The following RAP1A variants were observed in gnomAD, a reference collection of about 807,000 sequenced individuals.
RAP1A encodes RAP1A, member of RAS oncogene family, also known as ras-related protein Rap-1A.
A neutral mutation model predicts 26.4 loss-of-function variants in RAP1A; 6 were observed. The ratio of observed to expected loss-of-function variants is 0.23; its 90% CI spans 0.12 to 0.45. RAP1A has a LOEUF of 0.45. Among genes scored for constraint, RAP1A ranks in the 20% least tolerant of loss-of-function variants. The pLI is 0.99. For missense variants in RAP1A, 121 were observed against 217.2 expected, an observed-to-expected ratio of 0.56 and a Z score of 2.78; for synonymous variants, 73 against 79.4, an observed-to-expected ratio of 0.92 and a Z score of 0.43.
At chr1:111,674,538 C>G (rs1661067835) in intron 1 of RAP1A, among the ~76,000 whole-genome samples, 1 of 152,220 alleles carries the variant, frequency 6.6e-6, no homozygotes, top group African/African-American at 2.4e-5. Context: ...TCTACAGAAC[C>G]TCCAGACTTG....
chr1:111,577,457 C>G (rs1156688998), intron 1 of RAP1A, among the ~76,000 whole-genome samples: 1 of 116,352 alleles, frequency 8.6e-6, no homozygotes, highest in Non-Finnish European at 1.8e-5. Context: ...ACCCTGAAAA[C>G]TTGGATTTAT....
At chr1:111,632,299 A>G (rs1659590974) in intron 1 of RAP1A, among the ~76,000 whole-genome samples, 1 of 152,042 alleles carries the variant, frequency 6.6e-6, no homozygotes, top group South Asian at 2.1e-4. Context: ...CTGTGTTTAT[A>G]AAGTTTCTAA....
chr1:111,655,266 CA>C (rs5777071), intron 1 of RAP1A, among the ~76,000 whole-genome samples: 81,337 of 142,092 alleles, frequency 0.57, 23,571 homozygotes, highest in East Asian at 0.76. Context: ...TGCAATAAAA[CA>C]AAAAAAAAAA....
At chr1:111,644,997 A>G (rs1660018475) in intron 1 of RAP1A, among the ~76,000 whole-genome samples, 2 of 152,210 alleles carry the variant, frequency 1.3e-5, no homozygotes, top group Admixed American at 6.5e-5. Context: ...CAATCAGAAT[A>G]TTATATCTCT....
At chr1:111,587,098 C>G (rs1658379846) in intron 1 of RAP1A, among the ~76,000 whole-genome samples, 1 of 152,058 alleles carries the variant, frequency 6.6e-6, no homozygotes, top group South Asian at 2.1e-4. Context: ...CCTCCTTGTC[C>G]TTGTTTTTCC....
At chr1:111,626,609 A>G (rs1302130162) in intron 1 of RAP1A, among the ~76,000 whole-genome samples, 1 of 152,176 alleles carries the variant, frequency 6.6e-6, no homozygotes, top group African/African-American at 2.4e-5. Context: ...ATTTTTAGTG[A>G]CTGTTGTTAG....
intron 1 of RAP1A, among the ~76,000 whole-genome samples, chr1:111,643,504 C>T (rs1659958101): frequency 1.3e-5 from 2 of 152,198 alleles, no homozygotes; most frequent in South Asian, 4.1e-4. Context: ...TGTTTATTAG[C>T]ACTATTTGAA....
At chr1:111,630,150 A>G (rs1266169200) in intron 1 of RAP1A, among the ~76,000 whole-genome samples, 1 of 152,226 alleles carries the variant, frequency 6.6e-6, no homozygotes, top group African/African-American at 2.4e-5. Flanking sequence ...GAGGTGAAAT[A>G]CGAAATGTCT....
At chr1:111,555,395 CCAGA>C (rs1330295859) in intron 1 of RAP1A, among the ~76,000 whole-genome samples, 443 of 114,930 alleles carry the variant, frequency 3.9e-3, no homozygotes, top group African/African-American at 0.016. Context: ...AAAAAAATTA[CCAGA>C]CATATTTGAA....
chr1:111,603,252 G>T (rs1488242875), intron 1 of RAP1A, among the ~76,000 whole-genome samples: 1 of 152,178 alleles, frequency 6.6e-6, no homozygotes, highest in African/African-American at 2.4e-5. Context: ...TCAAGGTTTG[G>T]TTCCTGGAAC....
chr1:111,579,851 C>T (rs1174238105), intron 1 of RAP1A, among the ~76,000 whole-genome samples: 2 of 151,840 alleles, frequency 1.3e-5, no homozygotes, highest in Non-Finnish European at 2.9e-5. Flanking sequence ...GCTCTGTCGC[C>T]CAGGCTGGAG....
At chr1:111,670,018 CTAAAA>C (rs1660924362) in intron 1 of RAP1A, among the ~76,000 whole-genome samples, 1 of 151,812 alleles carries the variant, frequency 6.6e-6, no homozygotes, top group Non-Finnish European at 1.5e-5. Context: ...ACTATTAAAG[CTAAAA>C]TATCCTTGAA....
At chr1:111,708,081 TGGAA>T (rs1357991355) in intron 6 of RAP1A, among the ~76,000 whole-genome samples, 1 of 152,102 alleles carries the variant, frequency 6.6e-6, no homozygotes, top group African/African-American at 2.4e-5. Context: ...GAGGCTGAGA[TGGAA>T]GGATCACTTG....
chr1:111,639,133 T>C (rs1011449740), intron 1 of RAP1A, among the ~76,000 whole-genome samples: 3 of 152,174 alleles, frequency 2.0e-5, no homozygotes, highest in Non-Finnish European at 4.4e-5. Flanking sequence ...TTAAAGGAGA[T>C]ACACTATCTT....
chr1:111,610,144 A>T (rs2101079310), intron 1 of RAP1A, among the ~76,000 whole-genome samples: 1 of 152,292 alleles, frequency 6.6e-6, no homozygotes, highest in Middle Eastern at 3.4e-3. Flanking sequence ...AAAATACTAT[A>T]TTCCTTTGCT....
At chr1:111,615,932 G>A (rs956053102), upstream of RAP1A, among the ~76,000 whole-genome samples, 1 of 151,880 alleles carries the variant, frequency 6.6e-6, no homozygotes, top group Non-Finnish European at 1.5e-5. Context: ...TGCAGATAAA[G>A]AACATTTCCA....
intron 1 of RAP1A, among the ~76,000 whole-genome samples, chr1:111,580,161 A>G (rs539243112): frequency 2.0e-5 from 3 of 152,342 alleles, no homozygotes; most frequent in South Asian, 4.1e-4. Context: ...TACTCAAAGT[A>G]TGGTTTCTAC....
intron 1 of RAP1A, among the ~76,000 whole-genome samples, chr1:111,645,044 A>G (rs1660020780): frequency 6.6e-6 from 1 of 152,180 alleles, no homozygotes; most frequent in African/African-American, 2.4e-5. Context: ...ATTCTCCTTA[A>G]TCTCTTTGAT....
chr1:111,597,881 T>G (rs997430263), intron 1 of RAP1A, among the ~76,000 whole-genome samples: 1 of 152,184 alleles, frequency 6.6e-6, no homozygotes, highest in Non-Finnish European at 1.5e-5. Flanking sequence ...GCTAGCCAGT[T>G]TGGAGATTAT....
Sources: allele counts gnomAD v4.1 joint callset (sites outside exome capture counted in the v4.1 genomes callset), GRCh38; gene constraint gnomAD v4.1.1; transcripts MANE v1.5; gene names NCBI Gene and HGNC (gene_info 2026-07-23, HGNC 2026-07-21).